REEP3: variants seen among roughly 807,000 people sequenced by gnomAD.
REEP3 encodes the protein receptor expression-enhancing protein 3.
Under a neutral mutation model 41.3 loss-of-function variants are expected in REEP3, and 20 were observed. That is an observed-to-expected ratio of 0.48 (90% CI 0.34 to 0.70). REEP3 has a LOEUF of 0.70. Ranked by LOEUF, REEP3 falls within the 30% of genes least tolerant of loss-of-function variation. The probability of loss-of-function intolerance (pLI) is 0.01; values close to 1 mark genes in which losing one functional copy is unlikely to be tolerated. For synonymous variants in REEP3, 104 were observed against 101.8 expected (o/e 1.02, Z -0.13); for missense variants, 271 against 308.8 (o/e 0.88, Z 0.92).
chr10:63,594,216 A>G (rs1455948031), intron 2 of REEP3, among the ~76,000 whole-genome samples: 4 of 99,930 alleles, frequency 4.0e-5, no homozygotes, highest in African/African-American at 1.5e-4. Context: ...CATCTCTACA[A>G]AAAAAAAAAA....
intron 6 of REEP3, among the ~76,000 whole-genome samples, chr10:63,617,812 CTTTTTTTTTTT>C (rs60910642): frequency 7.2e-5 from 6 of 83,550 alleles, no homozygotes; most frequent in African/African-American, 1.8e-4. Context: ...TCCTTCTACT[CTTTTTTTTTTT>C]TTTTTTTTTT....
chr10:63,583,744 C>T (rs1955977600), intron 2 of REEP3, among the ~76,000 whole-genome samples: 1 of 152,152 alleles, frequency 6.6e-6, no homozygotes, highest in African/African-American at 2.4e-5. Context: ...CCGAGAAATT[C>T]TGTGTGGTCC....
chr10:63,551,630 G>A (rs986779399), intron 1 of REEP3, among the ~76,000 whole-genome samples: 2 of 152,102 alleles, frequency 1.3e-5, no homozygotes, highest in South Asian at 2.1e-4. Flanking sequence ...TCAGACAAAT[G>A]TCCCTAATTG....
At chr10:63,545,722 C>T (rs1955573062) in intron 1 of REEP3, among the ~76,000 whole-genome samples, 2 of 112,314 alleles carry the variant, frequency 1.8e-5, no homozygotes, top group Admixed American at 1.3e-4. Flanking sequence ...GAGTCTTGCT[C>T]TGTTGCCCAC....
intron 2 of REEP3, among the ~76,000 whole-genome samples, chr10:63,577,514 C>A (rs1285349556): frequency 6.6e-6 from 1 of 152,164 alleles, no homozygotes; most frequent in Non-Finnish European, 1.5e-5. Context: ...AGCTCCACCT[C>A]CTGGGTTCAT....
intron 2 of REEP3, among the ~76,000 whole-genome samples, chr10:63,571,040 G>T (rs1955847373): frequency 6.6e-6 from 1 of 152,160 alleles, no homozygotes; most frequent in African/African-American, 2.4e-5. Flanking sequence ...ACCTGAGCCT[G>T]GGAGGTCGAG....
intron 1 of REEP3, among the ~76,000 whole-genome samples, chr10:63,529,949 C>T (rs1955404821): frequency 6.6e-6 from 1 of 151,210 alleles, no homozygotes; most frequent in Non-Finnish European, 1.5e-5. Flanking sequence ...CTGCTAATTT[C>T]TGTATTTTTA....
chr10:63,574,696 C>T (rs542296395), intron 2 of REEP3, among the ~76,000 whole-genome samples: 1 of 152,062 alleles, frequency 6.6e-6, no homozygotes, highest in Non-Finnish European at 1.5e-5. Context: ...TGTGTTCTTA[C>T]TCTGTATCCA....
At chr10:63,619,917 GATTT>G (rs1956340448) in intron 7 of REEP3, 117 bp downstream of exon 7, 1 of 228,860 alleles carries the variant, frequency 4.4e-6, no homozygotes, top group Non-Finnish European at 7.5e-6. Flanking sequence ...ACAGCAGTTT[GATTT>G]TTTTTTTTTT....
chr10:63,617,647 G>A (rs1786327785), intron 6 of REEP3, among the ~76,000 whole-genome samples: 1 of 151,586 alleles, frequency 6.6e-6, no homozygotes, highest in Non-Finnish European at 1.5e-5. Flanking sequence ...CGAACCACCT[G>A]CCTTGACCTC....
intron 2 of REEP3, among the ~76,000 whole-genome samples, chr10:63,567,129 T>A (rs544629957): frequency 6.6e-6 from 1 of 152,320 alleles, no homozygotes; most frequent in Admixed American, 6.5e-5. Flanking sequence ...CATATTGTAT[T>A]GGTGGTGTTA....
At chr10:63,541,902 T>G (rs146743359) in intron 1 of REEP3, among the ~76,000 whole-genome samples, 1 of 152,322 alleles carries the variant, frequency 6.6e-6, no homozygotes, top group African/African-American at 2.4e-5. Flanking sequence ...ATAACAACTT[T>G]TAGAATTCAC....
chr10:63,547,346 A>G (rs1280704211), intron 1 of REEP3, among the ~76,000 whole-genome samples: 1 of 152,230 alleles, frequency 6.6e-6, no homozygotes, highest in Admixed American at 6.5e-5. Flanking sequence ...CTCTTCATCA[A>G]AGACACCATT....
At chr10:63,526,544 T>A (rs1955366331) in intron 1 of REEP3, among the ~76,000 whole-genome samples, 1 of 152,110 alleles carries the variant, frequency 6.6e-6, no homozygotes, top group Non-Finnish European at 1.5e-5. Context: ...AATGTGTGAG[T>A]ACTTTCTTTA....
intron 2 of REEP3, among the ~76,000 whole-genome samples, chr10:63,571,223 CT>C (rs1955849355): frequency 6.6e-6 from 1 of 152,136 alleles, no homozygotes. Context: ...TTTCAAAGTA[CT>C]TTTGTTTATT....
chr10:63,590,522 T>C (rs932235558), intron 2 of REEP3, among the ~76,000 whole-genome samples: 1 of 151,600 alleles, frequency 6.6e-6, no homozygotes, highest in Non-Finnish European at 1.5e-5. Context: ...CAAGGAAATT[T>C]TTTTTTTTTC....
chr10:63,610,381 G>A, intron 6 of REEP3, 47 bp downstream of exon 6: 1 of 1,538,980 alleles, frequency 6.5e-7, no homozygotes, highest in Non-Finnish European at 8.8e-7. Context: ...TGGAAACAGG[G>A]AGGGGAACAA....
intron 1 of REEP3, among the ~76,000 whole-genome samples, chr10:63,565,630 A>G (rs924727418): frequency 3.9e-5 from 6 of 152,182 alleles, no homozygotes; most frequent in Non-Finnish European, 7.3e-5. Context: ...GTGTACGTGT[A>G]TGTTTATGTC....
intron 3 of REEP3, among the ~76,000 whole-genome samples, chr10:63,596,589 C>T (rs936160482): frequency 3.9e-5 from 6 of 152,078 alleles, no homozygotes; most frequent in African/African-American, 1.2e-4. Context: ...AAATGGACTA[C>T]ATTTATGTGG....
Sources: gnomAD v4.1 joint callset for allele counts (sites outside exome capture counted in the v4.1 genomes callset) on GRCh38, gnomAD v4.1.1 for gene constraint, MANE v1.5 for transcripts, NCBI Gene and HGNC (gene_info 2026-07-23, HGNC 2026-07-21) for gene names.